The following EML1 variants were observed in gnomAD, a reference collection of about 807,000 sequenced individuals.
EML1 encodes the protein echinoderm microtubule-associated protein-like 1.
A neutral mutation model predicts 110.4 loss-of-function variants in EML1; 27 were observed. The observed-to-expected ratio is 0.24, with a 90% CI of 0.18 to 0.34. The LOEUF (loss-of-function observed/expected upper bound fraction) is 0.34. Among genes scored for constraint, EML1 ranks in the 10% least tolerant of loss-of-function variants. The pLI is 1.00. For synonymous variants in EML1, 344 were observed against 385.8 expected (o/e 0.89, Z 1.27); for missense variants, 741 against 1,030.9 (o/e 0.72, Z 3.85).
chr14:99,857,717 G>C (rs2058928649), intron 2 of EML1, among the ~76,000 whole-genome samples: 2 of 152,082 alleles, frequency 1.3e-5, no homozygotes, highest in African/African-American at 4.8e-5. Context: ...TAGCATACTT[G>C]TTTTCAGGGT....
chr14:99,753,034 T>G (rs115007782), intron 1 of EML1, among the ~76,000 whole-genome samples: 3,690 of 152,114 alleles, frequency 0.024, 149 homozygotes, highest in African/African-American at 0.085. Context: ...TGGCTGCACC[T>G]GGCCCAGCCT....
In EML1 at chr14:99,773,222, C is replaced by T. The variant is rs557014591; in HGVS notation, c.-818C>T. 5 of 152,382 alleles carry T rather than the reference C, an allele frequency of 3.3e-5. No individual in the cohort carries two copies. In the East Asian group the frequency reaches 9.6e-4, roughly 29 times the overall value. The allele number at this position is 152,382 out of a possible 1,614,324, so 9.4% of individuals were successfully genotyped here. A position where few individuals can be genotyped will look rare whatever the true frequency, so the allele number is the denominator to read the frequency against. On this transcript the variant is annotated 5_prime_UTR_variant, in exon 1 of 23. Coordinates refer to the EML1 transcript ENST00000327921. ...AAAGACATTCAAAAGTAATGACCATCTACTCTGGCCCTCATTTCATAAAAG... is the reference window on the plus strand; with the variant it reads ...AAAGACATTCAAAAGTAATGACCATTTACTCTGGCCCTCATTTCATAAAAG...
intron 17 of EML1, among the ~76,000 whole-genome samples, chr14:99,927,826 T>G (rs1449425398): frequency 1.4e-4 from 6 of 42,802 alleles, no homozygotes; most frequent in East Asian, 7.9e-4. Context: ...GTGGTGGTGG[T>G]GGTGGTATTG....
intron 15 of EML1, among the ~76,000 whole-genome samples, chr14:99,915,602 T>C (rs372907826): frequency 2.0e-5 from 3 of 152,052 alleles, no homozygotes; most frequent in East Asian, 3.9e-4. Flanking sequence ...GAGGTTTTTT[T>C]TTTAACTCTG....
At chr14:99,786,676 C>T (rs981580249) in intron 1 of EML1, among the ~76,000 whole-genome samples, 1 of 152,214 alleles carries the variant, frequency 6.6e-6, no homozygotes, top group Non-Finnish European at 1.5e-5. Flanking sequence ...CGAAGAGGAG[C>T]TTTCGGATAG....
chr14:99,912,222 T>C (rs1357121736), intron 13 of EML1, among the ~76,000 whole-genome samples: 1 of 152,190 alleles, frequency 6.6e-6, no homozygotes, highest in East Asian at 1.9e-4. Flanking sequence ...TTGGAGACAT[T>C]ATTGCATTGA....
At chr14:99,770,791 T>TTTTTTTTTTTTTTTTTTTTTTTTTTA (rs2057418747), upstream of EML1, among the ~76,000 whole-genome samples, 1 of 139,796 alleles carries the variant, frequency 7.2e-6, no homozygotes, top group Non-Finnish European at 1.5e-5. Flanking sequence ...TTTTTTTTTT[T>TTTTTTTTTTTTTTTTTTTTTTTTTTA]TTTTTTTTTT....
intron 1 of EML1, among the ~76,000 whole-genome samples, chr14:99,810,940 A>G (rs971633061): frequency 6.6e-6 from 1 of 152,094 alleles, no homozygotes. Context: ...GTACCCCCTA[A>G]ATATATACAA....
rs1056726897 is a variant in EML1, at chr14:99,841,099, C to T, written c.68-9754C>T. Among the ~76,000 whole-genome samples the T allele has an allele frequency of 3.3e-5, 5 of 152,312 alleles. No homozygotes were observed. The South Asian group carries it at 1.0e-3, about 32-fold the overall frequency. ...GAGCTGGAGGCTATGAGAGGTAACA[C>T]TTGGCCTGTCCTTTTGCCACTGGTC... is the stretch of plus-strand genomic sequence containing the variant. On this transcript the variant is annotated intron_variant, in intron 1 of 21. Transcript: ENST00000262233.
chr14:99,779,321 A>C (rs2057514991), intron 1 of EML1, among the ~76,000 whole-genome samples: 1 of 152,174 alleles, frequency 6.6e-6, no homozygotes, highest in Admixed American at 6.5e-5. Context: ...TAATTTTCAA[A>C]GATGTTTTAT....
chr14:99,919,899 ACACT>A (rs2060101732), intron 16 of EML1, among the ~76,000 whole-genome samples: 1 of 152,184 alleles, frequency 6.6e-6, no homozygotes, highest in African/African-American at 2.4e-5. Flanking sequence ...AAGACAAGGG[ACACT>A]CACTCTGCGT....
intron 1 of EML1, among the ~76,000 whole-genome samples, chr14:99,766,695 G>C (rs971923376): frequency 1.3e-5 from 2 of 152,172 alleles, no homozygotes; most frequent in African/African-American, 4.8e-5. Flanking sequence ...CTTGGAAAAT[G>C]TTAAATGTCC....
chr14:99,833,476 C>T (rs1314150952), intron 1 of EML1, among the ~76,000 whole-genome samples: 1 of 152,168 alleles, frequency 6.6e-6, no homozygotes, highest in African/African-American at 2.4e-5. Flanking sequence ...CTTCACATTT[C>T]CATGTGCATT....
intron 1 of EML1, among the ~76,000 whole-genome samples, chr14:99,774,807 G>A (rs946946580): frequency 5.3e-5 from 8 of 152,200 alleles, no homozygotes; most frequent in Non-Finnish European, 8.8e-5. Flanking sequence ...AAGGGCAGAA[G>A]GAGGGGGTGG....
At chr14:99,903,902 C>A (rs2140028177) in intron 9 of EML1, among the ~76,000 whole-genome samples, 1 of 151,854 alleles carries the variant, frequency 6.6e-6, no homozygotes, top group Non-Finnish European at 1.5e-5. Context: ...TCCCACCTCA[C>A]CTCCCTAGAA....
In EML1 at chr14:99,784,295, G is replaced by A. The variant is rs776527766; in HGVS notation, c.-27+10282G>A. ...TTGTATAGAAACAAGGTTTCACCAT[G>A]TTGCCCAGGCTGGTCTCAAACTCCT... On this transcript the variant is annotated intron_variant, in intron 1 of 22. Coordinates refer to the EML1 transcript ENST00000327921. The surrounding 1 kb of genome is among the most constrained non-coding windows in gnomAD (Gnocchi z 4.5). Among the ~76,000 whole-genome samples, 2 of 152,084 alleles carry A rather than the reference G, an allele frequency of 1.3e-5. No individual in the cohort carries two copies. The highest frequency in any genetic ancestry group is 2.9e-5 in the Non-Finnish European group (2 of 68,006).
chr14:99,935,320 T>G (rs1278704008), intron 17 of EML1, among the ~76,000 whole-genome samples: 1 of 150,884 alleles, frequency 6.6e-6, no homozygotes, highest in Admixed American at 6.6e-5. Context: ...CAAAAAAATG[T>G]TTTTAAATTG....
chr14:99,909,069 T>C (rs2059904382), intron 10 of EML1, among the ~76,000 whole-genome samples: 1 of 152,158 alleles, frequency 6.6e-6, no homozygotes, highest in Admixed American at 6.5e-5. Flanking sequence ...TGCCTGGCCC[T>C]GGGAGAGGCC....
Position 99,936,132 on chromosome 14 carries a change from C to T in EML1, c.2007+6C>T, listed in dbSNP as rs373711705. 36 of 1,613,980 alleles carry T rather than the reference C, an allele frequency of 2.2e-5. No homozygotes were observed. Among genetic ancestry groups the T allele is most frequent in the African/African-American group, 6.7e-5 (5 of 74,932 alleles). The stretch of plus-strand genomic sequence containing the variant: ...CGCGAGTGGGCAAGTGCTCGGTAAG[C>T]GCTGACAGTGGACCTGTCGCTTCTC... On this transcript the variant is annotated splice_donor_region_variant and intron_variant, in intron 18 of 21. Transcript: ENST00000262233. This position sits in a 1 kb window ranked among gnomAD's most constrained non-coding sequence, Gnocchi z 5.5.
Sources: allele counts gnomAD v4.1 joint callset (sites outside exome capture counted in the v4.1 genomes callset), GRCh38; gene constraint gnomAD v4.1.1; non-coding constraint Gnocchi (gnomAD v3.1); transcripts MANE v1.5; gene names NCBI Gene and HGNC (gene_info 2026-07-23, HGNC 2026-07-21).